Variants in CTNNA2 observed in about 807,000 individuals in gnomAD.
CTNNA2 encodes catenin alpha 2.
In CTNNA2, 42 loss-of-function variants were observed where a neutral mutation model predicts 101.0. That is an observed-to-expected ratio of 0.42 (90% CI 0.32 to 0.54). The LOEUF (loss-of-function observed/expected upper bound fraction) is 0.54, where lower values mean the gene tolerates loss of function less well. Among genes scored for constraint, CTNNA2 ranks in the 20% least tolerant of loss-of-function variants. The pLI, the probability that CTNNA2 is intolerant of heterozygous loss-of-function variation, is 0.14. For missense variants in CTNNA2, 871 were observed against 1,223.1 expected (o/e 0.71, Z 4.29); for synonymous variants, 450 against 456.4 (o/e 0.99, Z 0.18).
At chr2:79,563,815 A>C (rs1674941463) in intron 1 of CTNNA2, among the ~76,000 whole-genome samples, 1 of 152,290 alleles carries the variant, frequency 6.6e-6, no homozygotes, top group South Asian at 2.1e-4. Context: ...TGGAAAAAAC[A>C]TACTTTGCTA....
At chr2:79,214,938 G>C (rs1014387201) in intron 2 of CTNNA2, among the ~76,000 whole-genome samples, 1 of 152,034 alleles carries the variant, frequency 6.6e-6, no homozygotes, top group Admixed American at 6.6e-5. Flanking sequence ...ACAGGCCCTT[G>C]AAAAGAAGGT....
intron 12 of CTNNA2, among the ~76,000 whole-genome samples, chr2:80,565,303 G>T (rs770468180): frequency 2.6e-5 from 4 of 152,088 alleles, no homozygotes; most frequent in Non-Finnish European, 5.9e-5. Flanking sequence ...AAAAAGCAAA[G>T]TTCTAGGAGC....
At chr2:80,312,378 G>A (rs1017398192) in intron 7 of CTNNA2, among the ~76,000 whole-genome samples, 5 of 152,146 alleles carry the variant, frequency 3.3e-5, no homozygotes, top group African/African-American at 7.2e-5. Context: ...TGGGGACAAC[G>A]GTTAGAAACA....
At chr2:80,646,522 C>T (rs1033878722) in intron 18 of CTNNA2, among the ~76,000 whole-genome samples, 1 of 151,878 alleles carries the variant, frequency 6.6e-6, no homozygotes, top group East Asian at 1.9e-4. Flanking sequence ...ATCCTGAGCT[C>T]AGGATATAGA....
chr2:79,475,178 T>C (rs1164195457), intron 4 of CTNNA2, among the ~76,000 whole-genome samples: 1 of 152,112 alleles, frequency 6.6e-6, no homozygotes, highest in East Asian at 1.9e-4. Flanking sequence ...CTTTGTAATC[T>C]TTTCTTCAGT....
At position 79,551,780 on chromosome 2, in the gene CTNNA2, A is replaced by C. The variant is rs1337087311; in HGVS notation, c.-6+38573A>C. ...CAGGCACATCTTACATGGACGGAGA[A>C]GGAGGAAGAAGGGAGTGGGAGGTGC... On this transcript the variant is annotated intron_variant, in intron 1 of 18. Coordinates refer to ENST00000402739, the MANE Select transcript of CTNNA2 (RefSeq NM_001282597.3). Among the ~76,000 whole-genome samples, 3 of 152,262 alleles carry C rather than the reference A, an allele frequency of 2.0e-5. No individual in the cohort carries two copies. The South Asian group carries it at 6.2e-4, about 32-fold the overall frequency.
chr2:79,898,563 T>A (rs1021962937), intron 6 of CTNNA2, among the ~76,000 whole-genome samples: 1 of 152,194 alleles, frequency 6.6e-6, no homozygotes, highest in Admixed American at 6.5e-5. Flanking sequence ...TCAAGTCACC[T>A]AACCTGACCG....
intron 5 of CTNNA2, among the ~76,000 whole-genome samples, chr2:79,507,262 C>G (rs368437096): frequency 1.3e-5 from 2 of 152,106 alleles, no homozygotes; most frequent in African/African-American, 4.8e-5. Flanking sequence ...GAGGATACTG[C>G]GGTTTGAATG....
intron 9 of CTNNA2, among the ~76,000 whole-genome samples, chr2:80,511,360 C>T (rs894997241): frequency 6.6e-6 from 1 of 152,178 alleles, no homozygotes; most frequent in African/African-American, 2.4e-5. Flanking sequence ...TGTGAGGCTA[C>T]CTCTAGGTAC....
chr2:79,957,586 C>A (rs1376922249), intron 7 of CTNNA2, among the ~76,000 whole-genome samples: 1 of 152,140 alleles, frequency 6.6e-6, no homozygotes, highest in Non-Finnish European at 1.5e-5. Flanking sequence ...GTAATAAAGT[C>A]TTCTCCTTCC....
chr2:79,591,259 T>C (rs768167732), intron 1 of CTNNA2, among the ~76,000 whole-genome samples: 1 of 152,210 alleles, frequency 6.6e-6, no homozygotes, highest in African/African-American at 2.4e-5. Flanking sequence ...CAGAATATTA[T>C]TTAGGAAAGG....
intron 9 of CTNNA2, among the ~76,000 whole-genome samples, chr2:80,498,028 C>T (rs538614412): frequency 2.0e-5 from 3 of 152,266 alleles, no homozygotes; most frequent in Non-Finnish European, 2.9e-5. Flanking sequence ...CTATAAGTCC[C>T]TATATTTCTA....
At chr2:80,126,147 T>G (rs1256266959) in intron 7 of CTNNA2, among the ~76,000 whole-genome samples, 1 of 152,182 alleles carries the variant, frequency 6.6e-6, no homozygotes, top group Non-Finnish European at 1.5e-5. Flanking sequence ...ACCTTTCTTC[T>G]GTGTTTTTCC....
chr2:79,526,274 A>C (rs1205838818), intron 1 of CTNNA2, among the ~76,000 whole-genome samples: 1 of 152,002 alleles, frequency 6.6e-6, no homozygotes, highest in Non-Finnish European at 1.5e-5. Flanking sequence ...TTTGCGTTTT[A>C]CTCAAGAAAA....
intron 9 of CTNNA2, among the ~76,000 whole-genome samples, chr2:80,509,738 T>TG (rs955455858): frequency 5.3e-5 from 8 of 152,272 alleles, no homozygotes; most frequent in African/African-American, 1.9e-4. Flanking sequence ...GCTAGCTTAT[T>TG]GGCAGGTAAC....
intron 7 of CTNNA2, among the ~76,000 whole-genome samples, chr2:80,190,150 C>G (rs76112969): frequency 2.6e-4 from 39 of 151,988 alleles, no homozygotes; most frequent in East Asian, 2.0e-3. Flanking sequence ...AGGTTAACCC[C>G]TATTAACCTT....
In CTNNA2 at chr2:80,406,074, T is replaced by G. The variant is rs536912958; in HGVS notation, c.1137+12783T>G. On this transcript the variant is annotated intron_variant, in intron 8 of 18. Coordinates refer to ENST00000402739, the MANE Select transcript of CTNNA2 (RefSeq NM_001282597.3). ...GACTGTAAAGCTAAAAAAGCACCTTTGGGCCACGCGCGGTGGCTCACGCCT... is the reference window on the plus strand; with the variant it reads ...GACTGTAAAGCTAAAAAAGCACCTTGGGGCCACGCGCGGTGGCTCACGCCT... 3.3e-5 allele frequency among the ~76,000 whole-genome samples: 5 copies of G among 152,268 alleles called. No homozygotes were observed. In the East Asian group the frequency reaches 9.7e-4, roughly 29 times the overall value.
At position 79,603,827 on chromosome 2, in the gene CTNNA2, A is replaced by G. The variant is rs548467148; in HGVS notation, c.-5-47725A>G. Among the ~76,000 whole-genome samples, 46 of 152,292 alleles carry G rather than the reference A, an allele frequency of 3.0e-4. No homozygotes were observed. The South Asian group carries it at 3.3e-3, about 11-fold the overall frequency. On this transcript the variant is annotated intron_variant, in intron 1 of 18. Transcript: ENST00000402739. ...CCTTAGGAGAGTAGCTTGAGGAGCT[A>G]TAGTATGTACATACCCCACAAGTTT...
At position 79,877,677 on chromosome 2, in the gene CTNNA2, G is replaced by T. The variant is rs147295647; in HGVS notation, c.852+3335G>T. On this transcript the variant is annotated intron_variant, in intron 6 of 18. Transcript: ENST00000402739. ...GAAAAACTCACTCAAACTTCCTGTG[G>T]TTTACTTTTCTGGCAAAATCTCTTA... is the stretch of plus-strand genomic sequence containing the variant. Among the ~76,000 whole-genome samples the T allele has an allele frequency of 7.9e-4, 120 of 152,052 alleles. No individual in the cohort carries two copies. The Middle Eastern group carries it at 0.01, about 13-fold the overall frequency.
Sources: gnomAD v4.1 joint callset for allele counts (sites outside exome capture counted in the v4.1 genomes callset) on GRCh38, gnomAD v4.1.1 for gene constraint, MANE v1.5 for transcripts, NCBI Gene and HGNC (gene_info 2026-07-23, HGNC 2026-07-21) for gene names.